Variants in NLGN1 observed in about 807,000 individuals in gnomAD.
NLGN1 encodes neuroligin-1.
Under a neutral mutation model 65.5 loss-of-function variants are expected in NLGN1, and 12 were observed. The observed-to-expected ratio is 0.18, with a 90% CI of 0.12 to 0.30. The LOEUF (loss-of-function observed/expected upper bound fraction) is 0.30. Among genes scored for constraint, NLGN1 ranks in the 10% least tolerant of loss-of-function variants. NLGN1 has a pLI of 1.00. For synonymous variants in NLGN1, 350 were observed against 359.5 expected, an observed-to-expected ratio of 0.97 and a Z score of 0.30; for missense variants, 750 against 1,007.1, an observed-to-expected ratio of 0.74 and a Z score of 3.46.
chr3:173,456,506 A>G (rs928392634), intron 2 of NLGN1, among the ~76,000 whole-genome samples: 11 of 152,304 alleles, frequency 7.2e-5, no homozygotes, highest in East Asian at 5.8e-4. Flanking sequence ...TATGAATTAA[A>G]TAAGTGTAAT....
chr3:174,159,322 A>G (rs1002889352), intron 4 of NLGN1, among the ~76,000 whole-genome samples: 3 of 151,802 alleles, frequency 2.0e-5, no homozygotes, highest in Non-Finnish European at 4.4e-5. Context: ...TTAACTACAG[A>G]CAAATTAGTA....
intron 2 of NLGN1, among the ~76,000 whole-genome samples, chr3:173,556,113 C>A (rs559337617): frequency 6.6e-6 from 1 of 152,248 alleles, no homozygotes; most frequent in East Asian, 1.9e-4. Context: ...AATTTTATTT[C>A]TATGATCTAA....
intron 1 of NLGN1, among the ~76,000 whole-genome samples, chr3:173,434,310 A>G (rs1309988092): frequency 6.6e-6 from 1 of 152,176 alleles, no homozygotes; most frequent in South Asian, 2.1e-4. Flanking sequence ...ATAATACATG[A>G]GTTCTTTGTA....
intron 4 of NLGN1, among the ~76,000 whole-genome samples, chr3:174,246,461 T>G (rs564853787): frequency 6.6e-6 from 1 of 152,310 alleles, no homozygotes; most frequent in Non-Finnish European, 1.5e-5. Flanking sequence ...ACTCTGTCAC[T>G]TAGGCTGGAA....
chr3:173,581,243 G>T (rs1324906685), intron 2 of NLGN1, among the ~76,000 whole-genome samples: 1 of 151,860 alleles, frequency 6.6e-6, no homozygotes, highest in African/African-American at 2.4e-5. Context: ...TCTAATATTT[G>T]GTATCTCTTT....
intron 4 of NLGN1, among the ~76,000 whole-genome samples, chr3:173,999,690 G>C (rs1280571367): frequency 1.3e-5 from 2 of 152,112 alleles, no homozygotes; most frequent in African/African-American, 4.8e-5. Flanking sequence ...AAAGGCATCA[G>C]TTTCCTTTCT....
At chr3:173,509,903 A>G (rs542794871) in intron 2 of NLGN1, among the ~76,000 whole-genome samples, 1 of 152,296 alleles carries the variant, frequency 6.6e-6, no homozygotes, top group African/African-American at 2.4e-5. Context: ...AGTTAATTTC[A>G]GGAGAGTAGG....
At chr3:174,058,995 AAAT>A (rs1736796523) in intron 4 of NLGN1, among the ~76,000 whole-genome samples, 1 of 152,180 alleles carries the variant, frequency 6.6e-6, no homozygotes, top group South Asian at 2.1e-4. Context: ...TCTGATCTAC[AAAT>A]ACATTCACAA....
At chr3:173,406,693 C>T (rs146791819) in intron 1 of NLGN1, among the ~76,000 whole-genome samples, 78 of 151,990 alleles carry the variant, frequency 5.1e-4, no homozygotes, top group African/African-American at 1.8e-3. Flanking sequence ...TTTCCACAGA[C>T]AACAGCGTTT....
chr3:173,504,997 A>G (rs1016199606), intron 2 of NLGN1, among the ~76,000 whole-genome samples: 2 of 151,986 alleles, frequency 1.3e-5, no homozygotes, highest in Non-Finnish European at 2.9e-5. Context: ...TCTCTCATGG[A>G]CACCTCAAGT....
chr3:174,119,292 A>G (rs185933451), intron 4 of NLGN1, among the ~76,000 whole-genome samples: 1 of 152,050 alleles, frequency 6.6e-6, no homozygotes, highest in East Asian at 1.9e-4. Flanking sequence ...TGATAAATAA[A>G]ATCTTTATAT....
At chr3:173,915,881 A>G (rs746171558) in intron 4 of NLGN1, among the ~76,000 whole-genome samples, 3 of 151,928 alleles carry the variant, frequency 2.0e-5, no homozygotes, top group Non-Finnish European at 4.4e-5. Flanking sequence ...AGCCTATACT[A>G]GTCTTTCTTA....
At chr3:173,887,854 T>A (rs1579002405) in intron 4 of NLGN1, among the ~76,000 whole-genome samples, 1 of 151,278 alleles carries the variant, frequency 6.6e-6, no homozygotes, top group South Asian at 2.1e-4. Context: ...AAAATTTGAC[T>A]ACAACAAAAA....
chr3:174,063,682 G>A (rs895979012), intron 4 of NLGN1, among the ~76,000 whole-genome samples: 3 of 152,052 alleles, frequency 2.0e-5, no homozygotes, highest in Non-Finnish European at 2.9e-5. Flanking sequence ...TTATGTGTGA[G>A]AGAGAGGGAA....
chr3:173,539,657 G>GCATATATGTACATATATAACATATA (rs1738212040), intron 2 of NLGN1, among the ~76,000 whole-genome samples: 1 of 124,274 alleles, frequency 8.0e-6, no homozygotes, highest in South Asian at 2.4e-4. Context: ...TATAACATAT[G>GCATATATGTACATATATAACATATA]TGTATATATG....
In NLGN1 at chr3:173,649,828, G is replaced by A. The variant is rs1177003482; in HGVS notation, c.493+44737G>A. Among the ~76,000 whole-genome samples the A allele has an allele frequency of 2.6e-5, 4 of 152,046 alleles. No homozygotes were observed. In the East Asian group the frequency reaches 7.7e-4, roughly 29 times the overall value. On this transcript the variant is annotated intron_variant, in intron 3 of 6. Transcript: ENST00000457714. The stretch of plus-strand genomic sequence containing the variant: ...TATAAACCATTAAAGTACACTTAAA[G>A]TGTTCAATAAGAAAACTGTGTTCAA...
chr3:174,079,647 A>G (rs533958562), intron 4 of NLGN1, among the ~76,000 whole-genome samples: 97 of 152,324 alleles, frequency 6.4e-4, no homozygotes, highest in South Asian at 1.4e-3. Flanking sequence ...ATGCCCATCA[A>G]TGGTAGTCTG....
intron 2 of NLGN1, among the ~76,000 whole-genome samples, chr3:173,583,882 A>G (rs1746814315): frequency 6.6e-6 from 1 of 152,170 alleles, no homozygotes; most frequent in South Asian, 2.1e-4. Flanking sequence ...GAATACACAC[A>G]CACACAATCA....
At chr3:173,656,755 T>A (rs1760107485) in intron 3 of NLGN1, among the ~76,000 whole-genome samples, 1 of 152,064 alleles carries the variant, frequency 6.6e-6, no homozygotes. Flanking sequence ...GACTGGGTTA[T>A]TTTTTAAAAG....
Sources: allele counts gnomAD v4.1 joint callset (sites outside exome capture counted in the v4.1 genomes callset), GRCh38; gene constraint gnomAD v4.1.1; transcripts MANE v1.5; gene names NCBI Gene and HGNC (gene_info 2026-07-23, HGNC 2026-07-21).